Variants in BRK1 observed in about 807,000 individuals in gnomAD.
BRK1 encodes BRICK1 subunit of SCAR/WAVE actin nucleating complex.
BRK1 carries 6 observed loss-of-function variants against 9.9 expected under a neutral mutation model. That is an observed-to-expected ratio of 0.60 (90% CI 0.33 to 1.19). BRK1 has a LOEUF of 1.19. BRK1 is among the 50% of genes most tolerant of loss of function. BRK1 has a pLI of 0.04. For missense variants in BRK1, 62 were observed against 97.5 expected, an observed-to-expected ratio of 0.64 and a Z score of 1.53; for synonymous variants, 44 against 31.9, an observed-to-expected ratio of 1.38 and a Z score of -1.28.
At position 10,118,788 on chromosome 3, in the gene BRK1, A is replaced by G. The variant is rs184337818; in HGVS notation, c.118+2969A>G. The stretch of plus-strand genomic sequence containing the variant: ...CAGGCATGAGCCACTGTGCCTGGCC[A>G]TAAGTGGATTTATTGCGATAAAAGT... On this transcript the variant is annotated intron_variant, in intron 1 of 2. Transcript: ENST00000530758. Among the ~76,000 whole-genome samples, 11 of 152,076 alleles carry G rather than the reference A, an allele frequency of 7.2e-5. 1 individual carries two copies. The East Asian group carries it at 9.7e-4, about 13-fold the overall frequency.
At chr3:10,115,919 G>A in intron 1 of BRK1, 100 bp downstream of exon 1, 3 of 912,676 alleles carry the variant, frequency 3.3e-6, no homozygotes, top group Non-Finnish European at 5.3e-6. Context: ...CGCAGCCTTC[G>A]GCTGTTGCGG....
chr3:10,120,123 G>A (rs1413891966), intron 1 of BRK1, among the ~76,000 whole-genome samples: 3 of 151,894 alleles, frequency 2.0e-5, no homozygotes, highest in Admixed American at 6.6e-5. Flanking sequence ...TCCGCCTCCC[G>A]GGTTCAAGCG....
chr3:10,123,528 C>T lies in BRK1; in HGVS notation c.119-2098C>T, dbSNP rs11710607. 1 allele frequency among the ~76,000 whole-genome samples: 149,321 copies of T among 149,374 alleles called. 74,634 individuals are homozygous for T. The highest frequency in any genetic ancestry group is 1 in the Middle Eastern group (292 of 292). The stretch of plus-strand genomic sequence containing the variant: ...TCGGCTCACTGCTACCTCCATCTCC[C>T]GGGTTCAAGCAGTTCTCTGCCTCAG... On this transcript the variant is annotated intron_variant, in intron 1 of 2. Transcript: ENST00000530758.
chr3:10,119,134 A>G (rs1385610169), intron 1 of BRK1, among the ~76,000 whole-genome samples: 5 of 133,970 alleles, frequency 3.7e-5, no homozygotes. Context: ...AAAGAGCAAG[A>G]CTCCATCTCA....
At chr3:10,120,052 CAG>C (rs530265233) in intron 1 of BRK1, among the ~76,000 whole-genome samples, 53 of 151,584 alleles carry the variant, frequency 3.5e-4, no homozygotes, top group African/African-American at 1.2e-3. Context: ...TTTTTTGAGA[CAG>C]AGTCTCATTC....
chr3:10,117,393 CTTTTTT>C (rs756307171), intron 1 of BRK1, among the ~76,000 whole-genome samples: 3 of 118,624 alleles, frequency 2.5e-5, no homozygotes, highest in African/African-American at 9.7e-5. Flanking sequence ...TCAACAAATT[CTTTTTT>C]TTTTTTTTTT....
At position 10,125,684 on chromosome 3, in the gene BRK1, G is replaced by A; in HGVS notation, c.177G>A (p.Arg59=). 6.2e-7 allele frequency: 1 copy of A among 1,612,822 alleles called. No individual in the cohort carries two copies. ...ACGAGAAATTGACAGCCCTTGAACG[G>A]AGAATAGAGTACATTGAAGCTCGGG... The part of the protein sequence containing the change: ...TLNEKLTALE[R]RIEYIEARVT... Residue 59 remains arginine (R), a synonymous_variant, in exon 2 of 3, where the codon CGG becomes CGA. Transcript: ENST00000530758.
chr3:10,117,406 T>A (rs1482370618), intron 1 of BRK1, among the ~76,000 whole-genome samples: 1 of 149,788 alleles, frequency 6.7e-6, no homozygotes, highest in African/African-American at 2.5e-5. Context: ...TTTTTTTTTT[T>A]TTTTTTTGAG....
chr3:10,117,697 C>T (rs926308317), intron 1 of BRK1, among the ~76,000 whole-genome samples: 1 of 151,774 alleles, frequency 6.6e-6, no homozygotes, highest in Admixed American at 6.6e-5. Flanking sequence ...GTGCCCTGCC[C>T]CCAAAAATTC....
chr3:10,126,629 C>G lies in BRK1; in HGVS notation c.*334C>G, dbSNP rs768841577. 2 of 254,836 alleles carry G rather than the reference C, an allele frequency of 7.8e-6. No homozygotes were observed. The highest frequency in any genetic ancestry group is 2.3e-5 in the African/African-American group (1 of 44,386). The allele number at this position is 254,836 out of a possible 1,614,324, so 15.8% of individuals were successfully genotyped here. ...TCCTCACCTCTATCTTTCTTTCTCT[C>G]TCTCTCAAACTTTCCTTAAAGTTCT... On this transcript the variant is annotated 3_prime_UTR_variant, in exon 3 of 3. Coordinates refer to ENST00000530758, the MANE Select transcript of BRK1 (RefSeq NM_018462.5).
At chr3:10,123,096 GC>G (rs1213639591) in intron 1 of BRK1, among the ~76,000 whole-genome samples, 5 of 152,228 alleles carry the variant, frequency 3.3e-5, no homozygotes, top group Non-Finnish European at 5.9e-5. Context: ...TAATGACCAT[GC>G]TAAGATACCT....
intron 1 of BRK1, among the ~76,000 whole-genome samples, chr3:10,118,219 C>T (rs368814942): frequency 1.4e-5 from 2 of 143,662 alleles, no homozygotes; most frequent in African/African-American, 5.3e-5. Context: ...TGCCACTGCA[C>T]TGCAGCTTGG....
chr3:10,122,264 C>T (rs1018864994), intron 1 of BRK1, among the ~76,000 whole-genome samples: 3 of 151,984 alleles, frequency 2.0e-5, no homozygotes, highest in South Asian at 2.1e-4. Context: ...CTCATTAATA[C>T]GCTATATCAA....
In BRK1 at chr3:10,126,463, T is replaced by C. The variant is rs1695842504; in HGVS notation, c.*168T>C. 2 of 561,016 alleles carry C rather than the reference T, an allele frequency of 3.6e-6. No individual in the cohort carries two copies. Among genetic ancestry groups the C allele is most frequent in the Admixed American group, 3.6e-5 (1 of 28,048 alleles). 34.8% of individuals were successfully genotyped at this position (561,016 alleles called of 1,614,324 possible). A position where few individuals can be genotyped will look rare whatever the true frequency, so the allele number is the denominator to read the frequency against. On this transcript the variant is annotated 3_prime_UTR_variant, in exon 3 of 3. Coordinates refer to ENST00000530758, the MANE Select transcript of BRK1 (RefSeq NM_018462.5). ...TTGGGCTCTGCCATCTGGGGTGTGG[T>C]GTGGTATGTGGGAAGAAGTTCAGAG...
At chr3:10,123,935 A>G (rs1323639410) in intron 1 of BRK1, among the ~76,000 whole-genome samples, 1 of 150,504 alleles carries the variant, frequency 6.6e-6, no homozygotes, top group Admixed American at 6.6e-5. Flanking sequence ...GGGTTTCACC[A>G]TGTTAGCCAG....
chr3:10,117,698 C>T (rs968359608), intron 1 of BRK1, among the ~76,000 whole-genome samples: 1 of 151,810 alleles, frequency 6.6e-6, no homozygotes, highest in African/African-American at 2.4e-5. Context: ...TGCCCTGCCC[C>T]CAAAAATTCT....
intron 1 of BRK1, among the ~76,000 whole-genome samples, chr3:10,122,738 C>A (rs1197795080): frequency 2.0e-5 from 3 of 151,888 alleles, no homozygotes; most frequent in Non-Finnish European, 2.9e-5. Context: ...AAAAAAAATT[C>A]ATCCGTAAAT....
At chr3:10,121,659 T>C (rs1183319818) in intron 1 of BRK1, among the ~76,000 whole-genome samples, 2 of 152,176 alleles carry the variant, frequency 1.3e-5, no homozygotes, top group Non-Finnish European at 2.9e-5. Flanking sequence ...TGTAAATAAA[T>C]TGTAAATTAC....
rs75972783 is a variant in BRK1, at chr3:10,127,048, G to A, written c.*753G>A. On this transcript the variant is annotated 3_prime_UTR_variant, in exon 3 of 3. Coordinates refer to ENST00000530758, the MANE Select transcript of BRK1 (RefSeq NM_018462.5). ...TGTAGCTGTTTGATTCAAAGCCTAG[G>A]TGGCTTACCAGCCCAAGTCCCCATG... The A allele has an allele frequency of 0.016, 2,477 of 152,588 alleles. 36 individuals carry two copies. Among genetic ancestry groups the A allele is most frequent in the Non-Finnish European group, 0.022 (1,526 of 68,022 alleles). The allele number at this position is 152,588 out of a possible 1,614,324, so 9.5% of individuals were successfully genotyped here. A position where few individuals can be genotyped will look rare whatever the true frequency, so the allele number is the denominator to read the frequency against.
Sources: allele counts gnomAD v4.1 joint callset (sites outside exome capture counted in the v4.1 genomes callset), GRCh38; gene constraint gnomAD v4.1.1; transcripts MANE v1.5; gene names NCBI Gene and HGNC (gene_info 2026-07-23, HGNC 2026-07-21).